GPC6: variants seen among roughly 807,000 people sequenced by gnomAD.
GPC6 encodes the protein glypican-6.
Under a neutral mutation model 55.2 loss-of-function variants are expected in GPC6, and 14 were observed. That is an observed-to-expected ratio of 0.25 (90% CI 0.17 to 0.40). The LOEUF is 0.40. GPC6 is among the 10% of genes least tolerant of loss of function. The probability of loss-of-function intolerance (pLI) is 1.00; values close to 1 mark genes in which losing one functional copy is unlikely to be tolerated. For missense variants in GPC6, 641 were observed against 708.5 expected (o/e 0.90, Z 1.08); for synonymous variants, 278 against 259.6 (o/e 1.07, Z -0.68).
intron 2 of GPC6, among the ~76,000 whole-genome samples, chr13:93,635,840 A>C (rs1879668384): frequency 6.6e-6 from 1 of 152,168 alleles, no homozygotes; most frequent in African/African-American, 2.4e-5. Flanking sequence ...TTGGTGGATG[A>C]GCTCCAGGGC....
chr13:94,196,703 G>A (rs892284487), intron 4 of GPC6, among the ~76,000 whole-genome samples: 1 of 152,150 alleles, frequency 6.6e-6, no homozygotes, highest in African/African-American at 2.4e-5. Flanking sequence ...TTGGTGTTAC[G>A]AGAGTTGGCA....
At chr13:94,344,988 A>C (rs1409177) in intron 6 of GPC6, among the ~76,000 whole-genome samples, 14,191 of 152,116 alleles carry the variant, frequency 0.093, 1,121 homozygotes, top group East Asian at 0.22. Context: ...TTTTGGAAAA[A>C]TATGGGCTCC....
At chr13:94,337,828 C>A (rs559597712) in intron 6 of GPC6, among the ~76,000 whole-genome samples, 4 of 152,204 alleles carry the variant, frequency 2.6e-5, no homozygotes, top group African/African-American at 9.6e-5. Flanking sequence ...CACAGAAAGC[C>A]CTCAGAACTG....
At chr13:94,076,654 A>G (rs1401968126) in intron 4 of GPC6, among the ~76,000 whole-genome samples, 1 of 151,904 alleles carries the variant, frequency 6.6e-6, no homozygotes, top group Non-Finnish European at 1.5e-5. Context: ...GTGGGATTTT[A>G]TATATGGTAT....
chr13:94,161,834 G>A (rs745968928), intron 4 of GPC6, among the ~76,000 whole-genome samples: 1 of 152,142 alleles, frequency 6.6e-6, no homozygotes, highest in Non-Finnish European at 1.5e-5. Flanking sequence ...TGGAAAAAGA[G>A]GTTTGAGTGA....
chr13:93,585,202 A>G (rs1877134931), intron 2 of GPC6, among the ~76,000 whole-genome samples: 1 of 152,198 alleles, frequency 6.6e-6, no homozygotes, highest in Non-Finnish European at 1.5e-5. Context: ...TCAAAATCAA[A>G]TCACGAACAG....
At chr13:94,222,661 T>G (rs571836526) in intron 4 of GPC6, among the ~76,000 whole-genome samples, 49 of 152,266 alleles carry the variant, frequency 3.2e-4, no homozygotes, top group African/African-American at 1.1e-3. Flanking sequence ...TGCCTGGATC[T>G]CCTTATTCAA....
intron 4 of GPC6, among the ~76,000 whole-genome samples, chr13:94,144,639 A>AT (rs1183075046): frequency 2.0e-5 from 3 of 151,888 alleles, no homozygotes; most frequent in African/African-American, 7.3e-5. Flanking sequence ...ATATACTTTT[A>AT]TTTTACAAAG....
At chr13:93,869,251 A>G (rs1453908393) in intron 3 of GPC6, among the ~76,000 whole-genome samples, 1 of 151,860 alleles carries the variant, frequency 6.6e-6, no homozygotes, top group Non-Finnish European at 1.5e-5. Flanking sequence ...GGTTCAAATC[A>G]GTATAGAACA....
intron 1 of GPC6, among the ~76,000 whole-genome samples, chr13:93,520,542 T>TA (rs58324863): frequency 1.3e-5 from 2 of 150,784 alleles, no homozygotes; most frequent in African/African-American, 4.9e-5. Flanking sequence ...AAATAGACTT[T>TA]AAAAAAAAAA....
chr13:94,214,693 G>T (rs558521831), intron 4 of GPC6, among the ~76,000 whole-genome samples: 2 of 152,130 alleles, frequency 1.3e-5, no homozygotes, highest in East Asian at 3.9e-4. Flanking sequence ...CTGTTTTATA[G>T]TAAATTTATC....
intron 3 of GPC6, among the ~76,000 whole-genome samples, chr13:93,915,775 TCCCTTGACCA>T (rs1200455940): frequency 6.6e-6 from 1 of 152,232 alleles, no homozygotes; most frequent in East Asian, 1.9e-4. Context: ...TTTCTGAGGT[TCCCTTGACCA>T]CCCTCTTATT....
intron 3 of GPC6, among the ~76,000 whole-genome samples, chr13:93,905,349 A>G (rs1876609280): frequency 1.3e-5 from 2 of 152,146 alleles, no homozygotes; most frequent in South Asian, 4.1e-4. Context: ...TACACAAAAA[A>G]TGCTCAGAAT....
At chr13:93,321,921 A>G (rs1472963978) in intron 1 of GPC6, among the ~76,000 whole-genome samples, 4 of 152,014 alleles carry the variant, frequency 2.6e-5, no homozygotes, top group Non-Finnish European at 5.9e-5. Context: ...GAACTTCTCA[A>G]ACTCTCTGTC....
intron 1 of GPC6, among the ~76,000 whole-genome samples, chr13:93,514,654 G>A (rs1881114707): frequency 6.6e-6 from 1 of 152,154 alleles, no homozygotes; most frequent in Non-Finnish European, 1.5e-5. Context: ...TCCCTTTTAA[G>A]TTAGGTATGG....
chr13:94,144,873 T>G (rs527814), intron 4 of GPC6, among the ~76,000 whole-genome samples: 109,567 of 151,844 alleles, frequency 0.72, 39,660 homozygotes, highest in Middle Eastern at 0.85. Flanking sequence ...ATGAAAAATT[T>G]TATACATTTA....
In GPC6 at chr13:93,890,641, T is replaced by C. The variant is rs555044416; in HGVS notation, c.711+60096T>C. 3.9e-5 allele frequency among the ~76,000 whole-genome samples: 6 copies of C among 152,140 alleles called. 1 individual carries two copies. The highest frequency in any genetic ancestry group is 1.2e-4 in the African/African-American group (5 of 41,524). ...GATTTCTATGCATGATATACATCAG[T>C]AATTTGTACCAGACTGCTTGAATAG... On this transcript the variant is annotated intron_variant, in intron 3 of 8. Coordinates refer to ENST00000377047, the MANE Select transcript of GPC6 (RefSeq NM_005708.5).
chr13:93,590,571 A>G (rs1346003767), intron 2 of GPC6, among the ~76,000 whole-genome samples: 2 of 152,154 alleles, frequency 1.3e-5, no homozygotes, highest in Admixed American at 1.3e-4. Flanking sequence ...CTTTAAAATT[A>G]TATATTTCTT....
At chr13:94,247,642 G>A (rs945512664) in intron 4 of GPC6, among the ~76,000 whole-genome samples, 1 of 152,084 alleles carries the variant, frequency 6.6e-6, no homozygotes, top group Non-Finnish European at 1.5e-5. Flanking sequence ...TTAATGCAAT[G>A]TATAACATTA....
Sources: gnomAD v4.1 joint callset for allele counts (sites outside exome capture counted in the v4.1 genomes callset) on GRCh38, gnomAD v4.1.1 for gene constraint, MANE v1.5 for transcripts, NCBI Gene and HGNC (gene_info 2026-07-23, HGNC 2026-07-21) for gene names.